Variants in PCCA observed in about 807,000 individuals in gnomAD.
PCCA encodes the protein propionyl-CoA carboxylase subunit alpha, also known as propionyl-CoA carboxylase alpha chain, mitochondrial.
Under a neutral mutation model 101.3 loss-of-function variants are expected in PCCA, and 74 were observed. The ratio of observed to expected loss-of-function variants is 0.73; its 90% CI spans 0.61 to 0.89. PCCA has a LOEUF of 0.89. Ranked by LOEUF, PCCA falls within the 40% of genes least tolerant of loss-of-function variation. The probability of loss-of-function intolerance (pLI) is 0.00; values close to 1 mark genes in which losing one functional copy is unlikely to be tolerated. For synonymous variants in PCCA, 294 were observed against 313.6 expected (o/e 0.94, Z 0.66); for missense variants, 891 against 907.0 (o/e 0.98, Z 0.23).
At chr13:100,370,632 C>CA (rs1203173528) in intron 19 of PCCA, among the ~76,000 whole-genome samples, 1 of 152,152 alleles carries the variant, frequency 6.6e-6, no homozygotes, top group Admixed American at 6.5e-5. Flanking sequence ...ATCAATAGCC[C>CA]AATGAAAGGC....
At position 100,237,006 on chromosome 13, in the gene PCCA, A is replaced by G. The variant is rs552911163; in HGVS notation, c.637+1128A>G. The G allele has an allele frequency of 3.3e-5, 5 of 152,330 alleles. No homozygotes were observed. In the East Asian group the frequency reaches 9.6e-4, roughly 29 times the overall value. 9.4% of individuals were successfully genotyped at this position (152,330 alleles called of 1,614,324 possible). Reference sequence around the variant, plus strand: ...TCAGCATTCCTGTACGCCTCAGTCCAAGCATCTCATCGTGCCACACGAACA... The same window carrying G: ...TCAGCATTCCTGTACGCCTCAGTCCGAGCATCTCATCGTGCCACACGAACA... On this transcript the variant is annotated intron_variant, in intron 8 of 23. Coordinates refer to ENST00000376285, the MANE Select transcript of PCCA (RefSeq NM_000282.4).
At chr13:100,331,002 T>C (rs980522642) in intron 17 of PCCA, among the ~76,000 whole-genome samples, 4 of 152,152 alleles carry the variant, frequency 2.6e-5, no homozygotes, top group Admixed American at 2.0e-4. Context: ...TCTACTGAGG[T>C]GAGTATATAA....
At chr13:100,279,778 T>C (rs2063940578) in intron 12 of PCCA, among the ~76,000 whole-genome samples, 1 of 152,120 alleles carries the variant, frequency 6.6e-6, no homozygotes, top group Non-Finnish European at 1.5e-5. Flanking sequence ...CTGGCCCAAG[T>C]GTTCTTTTAA....
In PCCA at chr13:100,432,947, C is replaced by T. The variant is rs907399191; in HGVS notation, c.1845+7216C>T. 5.3e-4 allele frequency among the ~76,000 whole-genome samples: 80 copies of T among 152,186 alleles called. 2 individuals are homozygous for T. Among genetic ancestry groups the T allele is most frequent in the Non-Finnish European group, 2.5e-4 (17 of 68,032 alleles). ...TAGCATACTGTCTTCAAGGTTCATC[C>T]AGGTTATAGCATGTGACAGGATGTC... On this transcript the variant is annotated intron_variant, in intron 20 of 23. Transcript: ENST00000376285.
chr13:100,194,420 T>C (rs2057956224), intron 6 of PCCA, among the ~76,000 whole-genome samples: 1 of 152,112 alleles, frequency 6.6e-6, no homozygotes, highest in African/African-American at 2.4e-5. Flanking sequence ...AAATTATTAT[T>C]ATTATTATTA....
At chr13:100,152,539 C>T (rs1035817211) in intron 4 of PCCA, among the ~76,000 whole-genome samples, 7 of 152,020 alleles carry the variant, frequency 4.6e-5, no homozygotes, top group Admixed American at 1.3e-4. Context: ...CTCCGCCTCC[C>T]GGGTTCACGC....
At chr13:100,242,470 T>C (rs2061198411) in intron 8 of PCCA, among the ~76,000 whole-genome samples, 1 of 152,160 alleles carries the variant, frequency 6.6e-6, no homozygotes. Context: ...ACACTATAAG[T>C]AATGGATGCA....
chr13:100,525,034 C>T (rs934716017), intron 22 of PCCA, among the ~76,000 whole-genome samples: 20 of 136,528 alleles, frequency 1.5e-4, no homozygotes, highest in African/African-American at 4.3e-4. Context: ...GATAGACAGA[C>T]AGACAGGCAG....
intron 19 of PCCA, among the ~76,000 whole-genome samples, chr13:100,409,426 G>C (rs1267601286): frequency 3.9e-5 from 6 of 152,086 alleles, no homozygotes; most frequent in Admixed American, 3.9e-4. Flanking sequence ...GGTTTTATAG[G>C]GTGAAAAGGG....
rs549942569 is a variant in PCCA at position 100,264,275 on chromosome 13, G to A, written c.819+1444G>A. Among the ~76,000 whole-genome samples the A allele has an allele frequency of 2.3e-4, 34 of 150,142 alleles. 1 individual carries two copies. Among genetic ancestry groups the A allele is most frequent in the Non-Finnish European group, 4.6e-4 (31 of 67,476 alleles). On this transcript the variant is annotated intron_variant, in intron 10 of 23. Transcript: ENST00000376285. Reference sequence around the variant, plus strand: ...TGTGATATCTGTATCTCATATATATGTATATATATATACAGTGAAATCCAT... The same window carrying A: ...TGTGATATCTGTATCTCATATATATATATATATATATACAGTGAAATCCAT...
chr13:100,303,362 G>A (rs2152686851), intron 14 of PCCA, among the ~76,000 whole-genome samples: 1 of 152,188 alleles, frequency 6.6e-6, no homozygotes, highest in Admixed American at 6.5e-5. Flanking sequence ...ATAGTCACTT[G>A]TCAAGAAATT....
In PCCA at chr13:100,131,118, G is replaced by T. The variant is rs1487938887; in HGVS notation, c.300+19057G>T. ...CATAGTTTTCACTAGTGAAAATGTT[G>T]CTCTAAAGAGAAAAAAAAAGGGGCT... On this transcript the variant is annotated intron_variant, in intron 4 of 23. Coordinates refer to ENST00000376285, the MANE Select transcript of PCCA (RefSeq NM_000282.4). Among the ~76,000 whole-genome samples the T allele has an allele frequency of 2.6e-5, 4 of 152,050 alleles. No individual in the cohort carries two copies. In the East Asian group the frequency reaches 7.7e-4, roughly 29 times the overall value.
At chr13:100,332,304 T>C (rs2069743435) in intron 17 of PCCA, among the ~76,000 whole-genome samples, 1 of 152,220 alleles carries the variant, frequency 6.6e-6, no homozygotes, top group African/African-American at 2.4e-5. Context: ...ATTTTGATCC[T>C]AACATTTAGT....
chr13:100,268,854 C>T (rs1191020576), intron 11 of PCCA, 71 bp downstream of exon 11: 1 of 1,047,822 alleles, frequency 9.5e-7, no homozygotes, highest in African/African-American at 1.6e-5. Flanking sequence ...ATTCATTCAT[C>T]ATTCACTGAC....
In PCCA at chr13:100,140,829, A is replaced by G. The variant is rs146556908; in HGVS notation, c.301-14150A>G. Among the ~76,000 whole-genome samples, 169 of 152,258 alleles carry G rather than the reference A, an allele frequency of 1.1e-3. 1 individual carries two copies. The highest frequency in any genetic ancestry group is 3.7e-3 in the African/African-American group (154 of 41,550). On this transcript the variant is annotated intron_variant, in intron 4 of 23. Transcript: ENST00000376285. ...AAGCTACTTAGAAAACAAATGTGGG[A>G]AGGAATTAGCAGAATGCATCTTTGC...
At chr13:100,265,057 T>C (rs1186464756) in intron 10 of PCCA, among the ~76,000 whole-genome samples, 1 of 152,158 alleles carries the variant, frequency 6.6e-6, no homozygotes, top group African/African-American at 2.4e-5. Flanking sequence ...ATTACTGGAG[T>C]GTCCGAGTTC....
intron 4 of PCCA, among the ~76,000 whole-genome samples, chr13:100,116,451 C>T (rs1040351111): frequency 1.3e-5 from 2 of 152,142 alleles, no homozygotes; most frequent in East Asian, 1.9e-4. Context: ...AGCTAACTTG[C>T]AAACAATTAA....
At position 100,089,104 on chromosome 13, in the gene PCCA, G is replaced by T. The variant is rs1024921749; in HGVS notation, c.-17G>T. 4 of 1,474,478 alleles carry T rather than the reference G, an allele frequency of 2.7e-6. No homozygotes were observed. Among genetic ancestry groups the T allele is most frequent in the African/African-American group, 2.9e-5 (2 of 68,898 alleles). The allele number at this position is 1,474,478 out of a possible 1,614,324, so 91.3% of individuals were successfully genotyped here. ...CTGTGTGAGAGGTCAGCAGAGGGGC[G>T]GTCTGCGGGGACAACAATGGCGGGG... On this transcript the variant is annotated 5_prime_UTR_variant, in exon 1 of 24. Transcript: ENST00000376285.
chr13:100,261,056 T>C (rs865823406), intron 9 of PCCA, among the ~76,000 whole-genome samples: 1 of 152,146 alleles, frequency 6.6e-6, no homozygotes, highest in Non-Finnish European at 1.5e-5. Flanking sequence ...GTTTCAGTAT[T>C]GTACATTAAA....
Sources: allele counts gnomAD v4.1 joint callset (sites outside exome capture counted in the v4.1 genomes callset), GRCh38; gene constraint gnomAD v4.1.1; transcripts MANE v1.5; gene names NCBI Gene and HGNC (gene_info 2026-07-23, HGNC 2026-07-21).